PRDM5: variants seen among roughly 807,000 people sequenced by gnomAD.
The protein encoded by PRDM5 is PR/SET domain 5.
Under a neutral mutation model 81.2 loss-of-function variants are expected in PRDM5, and 56 were observed. The ratio of observed to expected loss-of-function variants is 0.69; its 90% confidence interval spans 0.56 to 0.86. The LOEUF is 0.86. Among genes scored for constraint, PRDM5 ranks in the 40% least tolerant of loss-of-function variants. PRDM5 has a pLI of 0.00. For missense variants in PRDM5, 697 were observed against 770.1 expected (o/e 0.91, Z 1.12); for synonymous variants, 267 against 256.4 (o/e 1.04, Z -0.39).
At chr4:120,883,808 T>C (rs1038795937) in intron 2 of PRDM5, among the ~76,000 whole-genome samples, 1 of 152,174 alleles carries the variant, frequency 6.6e-6, no homozygotes, top group Non-Finnish European at 1.5e-5. Context: ...TCATAGCTCT[T>C]CAAATGAAAC....
intron 3 of PRDM5, among the ~76,000 whole-genome samples, chr4:120,830,287 T>A (rs920629895): frequency 1.3e-5 from 2 of 151,990 alleles, no homozygotes; most frequent in Admixed American, 6.6e-5. Flanking sequence ...CACTAACCGA[T>A]GAAATGTGAA....
intron 3 of PRDM5, among the ~76,000 whole-genome samples, chr4:120,824,972 T>G (rs1755769523): frequency 2.6e-5 from 4 of 152,082 alleles, no homozygotes; most frequent in African/African-American, 9.7e-5. Context: ...ATTAATTTAT[T>G]TTATTTATTA....
chr4:120,811,896 C>T (rs1753889413), intron 7 of PRDM5, among the ~76,000 whole-genome samples: 1 of 151,926 alleles, frequency 6.6e-6, no homozygotes, highest in African/African-American at 2.4e-5. Flanking sequence ...CAATTCTATT[C>T]TTTTATTTTT....
chr4:120,875,287 A>G (rs140524725), intron 2 of PRDM5, among the ~76,000 whole-genome samples: 1 of 152,250 alleles, frequency 6.6e-6, no homozygotes, highest in African/African-American at 2.4e-5. Context: ...AACAATTTCA[A>G]CTTGAGTGCC....
intron 14 of PRDM5, among the ~76,000 whole-genome samples, chr4:120,735,757 T>C (rs921320830): frequency 6.6e-6 from 1 of 152,106 alleles, no homozygotes; most frequent in African/African-American, 2.4e-5. Flanking sequence ...CACTCCCTTA[T>C]CTCTGCCCAA....
chr4:120,913,524 C>T (rs1459488001), intron 1 of PRDM5, among the ~76,000 whole-genome samples: 1 of 152,208 alleles, frequency 6.6e-6, no homozygotes, highest in Non-Finnish European at 1.5e-5. Flanking sequence ...AAATGCATCA[C>T]TTATGAAATA....
chr4:120,893,616 G>T (rs971354055), intron 2 of PRDM5, among the ~76,000 whole-genome samples: 1 of 152,178 alleles, frequency 6.6e-6, no homozygotes, highest in Non-Finnish European at 1.5e-5. Context: ...TGTATTGATT[G>T]AATTATCTAT....
At chr4:120,808,614 T>A (rs1251966303) in intron 8 of PRDM5, among the ~76,000 whole-genome samples, 1 of 152,096 alleles carries the variant, frequency 6.6e-6, no homozygotes, top group Non-Finnish European at 1.5e-5. Context: ...GTGCCCACAC[T>A]CCTCAGCCCT....
chr4:120,886,947 C>CTTTTTT (rs34889092), intron 2 of PRDM5, among the ~76,000 whole-genome samples: 1 of 142,640 alleles, frequency 7.0e-6, no homozygotes, highest in Non-Finnish European at 1.5e-5. Flanking sequence ...TCTTCTCTTT[C>CTTTTTT]TTTTTTTTTT....
At chr4:120,763,927 T>A (rs1390625701) in intron 13 of PRDM5, among the ~76,000 whole-genome samples, 5 of 138,888 alleles carry the variant, frequency 3.6e-5, no homozygotes, top group Non-Finnish European at 6.3e-5. Flanking sequence ...TAGAGAAGAT[T>A]AAAAAAAAAA....
intron 3 of PRDM5, among the ~76,000 whole-genome samples, chr4:120,852,050 G>A (rs559633099): frequency 2.0e-5 from 3 of 151,934 alleles, no homozygotes; most frequent in Non-Finnish European, 4.4e-5. Context: ...TATTCTTTTG[G>A]TCATCTGATC....
At chr4:120,712,700 TGA>T (rs1737185739) in intron 14 of PRDM5, among the ~76,000 whole-genome samples, 1 of 152,246 alleles carries the variant, frequency 6.6e-6, no homozygotes, top group Admixed American at 6.5e-5. Context: ...TGTGTTCTGT[TGA>T]GATGTACTTT....
chr4:120,880,751 C>CA (rs931216633), intron 2 of PRDM5, among the ~76,000 whole-genome samples: 1 of 151,822 alleles, frequency 6.6e-6, no homozygotes, highest in African/African-American at 2.4e-5. Flanking sequence ...AATAGAGTAC[C>CA]AAAAAATCAT....
intron 8 of PRDM5, among the ~76,000 whole-genome samples, chr4:120,808,919 G>A (rs1387943183): frequency 2.0e-5 from 3 of 152,202 alleles, no homozygotes; most frequent in Admixed American, 6.5e-5. Flanking sequence ...AAGCGCCGCA[G>A]GCAGCCCCGG....
chr4:120,724,958 C>T (rs892351194), intron 14 of PRDM5, among the ~76,000 whole-genome samples: 1 of 152,140 alleles, frequency 6.6e-6, no homozygotes, highest in South Asian at 2.1e-4. Flanking sequence ...CATAAACCTG[C>T]CCCAGTCAAA....
chr4:120,750,984 T>C (rs1488501551), intron 14 of PRDM5, among the ~76,000 whole-genome samples: 1 of 152,208 alleles, frequency 6.6e-6, no homozygotes, highest in East Asian at 1.9e-4. Flanking sequence ...TATCTATCTA[T>C]TTATTTATTT....
At chr4:120,840,466 T>A (rs1757896202) in intron 3 of PRDM5, among the ~76,000 whole-genome samples, 2 of 152,010 alleles carry the variant, frequency 1.3e-5, no homozygotes, top group South Asian at 4.1e-4. Flanking sequence ...TCCCAAGGCA[T>A]AGGAACCCAG....
At chr4:120,701,657 G>C (rs562079051) in intron 15 of PRDM5, among the ~76,000 whole-genome samples, 4 of 152,056 alleles carry the variant, frequency 2.6e-5, no homozygotes, top group Non-Finnish European at 5.9e-5. Flanking sequence ...ATAGCGACTG[G>C]GGACTAGTAG....
intron 9 of PRDM5, 40 bp downstream of exon 9, chr4:120,799,621 G>T: frequency 6.2e-7 from 1 of 1,600,510 alleles, no homozygotes; most frequent in Admixed American, 1.7e-5. Flanking sequence ...TAATTTTTTT[G>T]TAATGATATC....
Sources: allele counts gnomAD v4.1 joint callset (sites outside exome capture counted in the v4.1 genomes callset), GRCh38; gene constraint gnomAD v4.1.1; transcripts MANE v1.5; gene names NCBI Gene and HGNC (gene_info 2026-07-23, HGNC 2026-07-21).